The following GALNTL6 variants were observed in gnomAD, a reference collection of about 807,000 sequenced individuals.
The protein encoded by GALNTL6 is polypeptide N-acetylgalactosaminyltransferase like 6.
In GALNTL6, 46 loss-of-function variants were observed where a neutral mutation model predicts 73.7. The ratio of observed to expected loss-of-function variants is 0.62; its 90% CI spans 0.49 to 0.80. The LOEUF (loss-of-function observed/expected upper bound fraction) is 0.80, where lower values mean the gene tolerates loss of function less well. GALNTL6 is among the 30% of genes least tolerant of loss of function. GALNTL6 has a pLI of 0.00. For synonymous variants in GALNTL6, 259 were observed against 263.7 expected, an observed-to-expected ratio of 0.98 and a Z score of 0.17; for missense variants, 604 against 755.0, an observed-to-expected ratio of 0.80 and a Z score of 2.34.
At chr4:171,844,796 C>A (rs556813352) in intron 2 of GALNTL6, among the ~76,000 whole-genome samples, 1 of 152,060 alleles carries the variant, frequency 6.6e-6, no homozygotes, top group Non-Finnish European at 1.5e-5. Context: ...CCAGGAGGGG[C>A]GCTTTGTAAA....
At chr4:172,127,266 C>G (rs549756585) in intron 2 of GALNTL6, among the ~76,000 whole-genome samples, 20 of 152,320 alleles carry the variant, frequency 1.3e-4, no homozygotes, top group African/African-American at 4.8e-4. Flanking sequence ...CCCCTCAGTA[C>G]GCGGCCACTC....
intron 2 of GALNTL6, among the ~76,000 whole-genome samples, chr4:172,074,876 A>C (rs1032500345): frequency 6.6e-6 from 1 of 152,206 alleles, no homozygotes; most frequent in Non-Finnish European, 1.5e-5. Flanking sequence ...TTTACCTTGC[A>C]TGCTAACTTT....
chr4:172,335,745 A>G (rs1741293896), intron 4 of GALNTL6, among the ~76,000 whole-genome samples: 1 of 152,148 alleles, frequency 6.6e-6, no homozygotes, highest in Admixed American at 6.5e-5. Context: ...ATGTGGTCGT[A>G]TTAGTCTCTG....
intron 7 of GALNTL6, among the ~76,000 whole-genome samples, chr4:172,852,701 C>T (rs1743899330): frequency 6.6e-6 from 1 of 152,022 alleles, no homozygotes; most frequent in African/African-American, 2.4e-5. Context: ...TGTTTATATA[C>T]ATAGGACTAT....
intron 2 of GALNTL6, among the ~76,000 whole-genome samples, chr4:171,920,995 T>C (rs1167074314): frequency 1.3e-5 from 2 of 152,160 alleles, no homozygotes; most frequent in Non-Finnish European, 2.9e-5. Context: ...AGGTATTGTG[T>C]ATTTTCATCT....
chr4:172,863,374 G>T (rs1001540337), intron 7 of GALNTL6, among the ~76,000 whole-genome samples: 2 of 152,180 alleles, frequency 1.3e-5, no homozygotes, highest in African/African-American at 2.4e-5. Context: ...AGCCAGGAAG[G>T]GGGCTGTACC....
At chr4:172,981,945 C>T (rs191233809) in intron 10 of GALNTL6, among the ~76,000 whole-genome samples, 161 of 151,864 alleles carry the variant, frequency 1.1e-3, no homozygotes, top group Middle Eastern at 3.4e-3. Context: ...TACAGGCATG[C>T]GCCACCACCC....
chr4:172,170,518 T>C (rs1329479223), intron 2 of GALNTL6, among the ~76,000 whole-genome samples: 2 of 149,782 alleles, frequency 1.3e-5, no homozygotes, highest in Non-Finnish European at 3.0e-5. Flanking sequence ...GTTTTTTTTT[T>C]TTTTTTTTTG....
At chr4:172,680,365 G>A (rs11132953) in intron 5 of GALNTL6, among the ~76,000 whole-genome samples, 150,571 of 152,030 alleles carry the variant, frequency 0.99, 74,579 homozygotes, top group Middle Eastern at 1. Context: ...GAACTAAGAA[G>A]GAATAATAAT....
chr4:172,556,919 G>A (rs930327013), intron 5 of GALNTL6, among the ~76,000 whole-genome samples: 2 of 152,002 alleles, frequency 1.3e-5, no homozygotes, highest in African/African-American at 2.4e-5. Context: ...TAGGCCATTG[G>A]ACTAGACTAT....
At chr4:172,184,027 G>C (rs1233479385) in intron 2 of GALNTL6, among the ~76,000 whole-genome samples, 1 of 152,068 alleles carries the variant, frequency 6.6e-6, no homozygotes, top group South Asian at 2.1e-4. Flanking sequence ...TCCTGACCTT[G>C]TGATCCACCC....
intron 5 of GALNTL6, among the ~76,000 whole-genome samples, chr4:172,571,054 A>G (rs1295469413): frequency 6.6e-6 from 1 of 152,154 alleles, no homozygotes; most frequent in Non-Finnish European, 1.5e-5. Flanking sequence ...AGCTTCACTC[A>G]TTTGCCAACT....
At chr4:173,015,947 C>A (rs1458943501) in intron 11 of GALNTL6, among the ~76,000 whole-genome samples, 1 of 152,196 alleles carries the variant, frequency 6.6e-6, no homozygotes, top group African/African-American at 2.4e-5. Flanking sequence ...CTCTGTGTGG[C>A]CTCAGGACAC....
At chr4:171,858,502 T>C (rs1349373610) in intron 2 of GALNTL6, among the ~76,000 whole-genome samples, 1 of 150,412 alleles carries the variant, frequency 6.6e-6, no homozygotes, top group Non-Finnish European at 1.5e-5. Flanking sequence ...ATCAGATATA[T>C]GTTAATATCC....
intron 5 of GALNTL6, among the ~76,000 whole-genome samples, chr4:172,451,674 C>A (rs1477131207): frequency 2.0e-5 from 3 of 152,010 alleles, no homozygotes; most frequent in East Asian, 1.9e-4. Flanking sequence ...ATATTATATG[C>A]CTTGCAAGAA....
At chr4:172,129,327 G>C (rs923253494) in intron 2 of GALNTL6, among the ~76,000 whole-genome samples, 2 of 152,124 alleles carry the variant, frequency 1.3e-5, no homozygotes, top group African/African-American at 4.8e-5. Flanking sequence ...TTCTAATTCA[G>C]TTCTAAGAGA....
At chr4:171,953,260 G>GTGTGTGTGTGTGTT (rs1405819034) in intron 2 of GALNTL6, among the ~76,000 whole-genome samples, 2 of 150,708 alleles carry the variant, frequency 1.3e-5, no homozygotes, top group Non-Finnish European at 3.0e-5. Context: ...GTGTGTGTGT[G>GTGTGTGTGTGTGTT]TGTGTAAGAA....
intron 2 of GALNTL6, among the ~76,000 whole-genome samples, chr4:171,882,747 G>C (rs563837131): frequency 3.3e-5 from 5 of 152,184 alleles, no homozygotes; most frequent in Non-Finnish European, 1.5e-5. Flanking sequence ...AGCCACGCTG[G>C]CAGTTGATTA....
intron 2 of GALNTL6, among the ~76,000 whole-genome samples, chr4:171,885,864 T>G (rs1432178842): frequency 6.6e-6 from 1 of 152,162 alleles, no homozygotes; most frequent in Non-Finnish European, 1.5e-5. Flanking sequence ...TTAGTATTGA[T>G]TTTAAATATC....
Sources: gnomAD v4.1 joint callset for allele counts (sites outside exome capture counted in the v4.1 genomes callset) on GRCh38, gnomAD v4.1.1 for gene constraint, MANE v1.5 for transcripts, NCBI Gene and HGNC (gene_info 2026-07-23, HGNC 2026-07-21) for gene names.